Variants in TRAF3IP1 observed in about 807,000 individuals in gnomAD.
TRAF3IP1 encodes the protein TRAF3-interacting protein 1.
TRAF3IP1 carries 53 observed loss-of-function variants against 89.9 expected under a neutral mutation model. That is an observed-to-expected ratio of 0.59 (90% CI 0.47 to 0.74). The LOEUF is 0.74. Ranked by LOEUF, TRAF3IP1 falls within the 30% of genes least tolerant of loss-of-function variation. The pLI, the probability that TRAF3IP1 is intolerant of heterozygous loss-of-function variation, is 0.00. For missense variants in TRAF3IP1, 806 were observed against 866.1 expected, an observed-to-expected ratio of 0.93 and a Z score of 0.87; for synonymous variants, 311 against 322.1, an observed-to-expected ratio of 0.97 and a Z score of 0.37.
At chr2:238,372,052 A>G (rs1228062654) in intron 15 of TRAF3IP1, among the ~76,000 whole-genome samples, 1 of 152,246 alleles carries the variant, frequency 6.6e-6, no homozygotes, top group Non-Finnish European at 1.5e-5. Context: ...TAATAATAAT[A>G]GATGGTAGGG....
At chr2:238,321,217 A>G (rs1574881776) in intron 1 of TRAF3IP1, among the ~76,000 whole-genome samples, 2 of 152,208 alleles carry the variant, frequency 1.3e-5, no homozygotes, top group Admixed American at 6.5e-5. Context: ...CTGCCCTTGT[A>G]TTTCCTTAGA....
intron 15 of TRAF3IP1, among the ~76,000 whole-genome samples, chr2:238,366,528 A>G (rs1346859535): frequency 6.6e-6 from 1 of 152,212 alleles, no homozygotes; most frequent in Non-Finnish European, 1.5e-5. Context: ...ACATTTCCAA[A>G]TTGATATGCC....
At chr2:238,336,281 T>G (rs139880688) in intron 7 of TRAF3IP1, among the ~76,000 whole-genome samples, 10 of 152,346 alleles carry the variant, frequency 6.6e-5, no homozygotes, top group Non-Finnish European at 1.0e-4. Flanking sequence ...ATGGGCTTTT[T>G]GACACTGAGC....
At chr2:238,375,998 G>A (rs1700299084) in intron 15 of TRAF3IP1, among the ~76,000 whole-genome samples, 3 of 152,040 alleles carry the variant, frequency 2.0e-5, no homozygotes, top group African/African-American at 7.2e-5. Context: ...AGTTCCATAT[G>A]CGTGGAACTC....
intron 15 of TRAF3IP1, among the ~76,000 whole-genome samples, chr2:238,381,810 C>G (rs1014348316): frequency 1.3e-5 from 2 of 152,126 alleles, no homozygotes; most frequent in Admixed American, 1.3e-4. Context: ...TGGGATACTT[C>G]TGTAAATATG....
intron 16 of TRAF3IP1, among the ~76,000 whole-genome samples, chr2:238,398,487 C>T (rs903709298): frequency 1.3e-5 from 2 of 151,726 alleles, no homozygotes; most frequent in African/African-American, 2.4e-5. Flanking sequence ...GACTTTGCTG[C>T]ATACCTCCTT....
At chr2:238,365,550 CG>C (rs1480279148) in intron 15 of TRAF3IP1, among the ~76,000 whole-genome samples, 1 of 151,910 alleles carries the variant, frequency 6.6e-6, no homozygotes, top group Non-Finnish European at 1.5e-5. Context: ...TCCAGCCACT[CG>C]GGAGGCTGAG....
intron 15 of TRAF3IP1, among the ~76,000 whole-genome samples, chr2:238,357,297 GGAA>G (rs1232364723): frequency 4.6e-5 from 7 of 152,122 alleles, no homozygotes; most frequent in African/African-American, 9.7e-5. Context: ...ACTTTAAAGA[GGAA>G]GAAGAATTTT....
intron 15 of TRAF3IP1, among the ~76,000 whole-genome samples, chr2:238,392,574 C>CT (rs71043135): frequency 3.3e-4 from 49 of 149,276 alleles, no homozygotes; most frequent in Admixed American, 6.0e-4. Flanking sequence ...CAGTCTGTTC[C>CT]TTTTTTTTTT....
chr2:238,326,283 C>G lies in TRAF3IP1; in HGVS notation c.354+313C>G, dbSNP rs1270525814. 2.0e-5 allele frequency among the ~76,000 whole-genome samples: 3 copies of G among 152,346 alleles called. No homozygotes were observed. In the East Asian group the frequency reaches 5.8e-4, roughly 29 times the overall value. ...GGCTGCAGGCCCAGGCTTCCATGCC[C>G]TCTGGCTTTCTCCTTTCTGAGGCTC... On this transcript the variant is annotated intron_variant, in intron 3 of 16. Coordinates refer to ENST00000373327, the MANE Select transcript of TRAF3IP1 (RefSeq NM_015650.4).
At chr2:238,372,575 A>G (rs1449747382) in intron 15 of TRAF3IP1, among the ~76,000 whole-genome samples, 1 of 152,228 alleles carries the variant, frequency 6.6e-6, no homozygotes, top group African/African-American at 2.4e-5. Flanking sequence ...TATTGTGAGT[A>G]GTGCCATAAT....
rs10527993 is a variant in TRAF3IP1 at position 238,351,834 on chromosome 2, G to GGTGTGTGTGTGTGTGTGTGTGTGTGT, written c.1452-985_1452-960dup. 5.0e-5 allele frequency among the ~76,000 whole-genome samples: 7 copies of GGTGTGTGTGTGTGTGTGTGTGTGTGT among 140,866 alleles called. No individual in the cohort carries two copies. The highest frequency in any genetic ancestry group is 1.8e-4 in the African/African-American group (7 of 37,912). The allele number at this position is 140,866 out of a possible 152,430, so 92.4% of individuals were successfully genotyped here. On this transcript the variant is annotated intron_variant, in intron 12 of 16. Coordinates refer to ENST00000373327, the MANE Select transcript of TRAF3IP1 (RefSeq NM_015650.4). The surrounding 1 kb of genome is among the most constrained non-coding windows in gnomAD (Gnocchi z 5.2). ...TGGCACTGAAGCAAGGGAGGATTTT[G>GGTGTGTGTGTGTGTGTGTGTGTGTGT]GTGTGTGTGTGTGTGTGTGTGTGTG...
intron 10 of TRAF3IP1, among the ~76,000 whole-genome samples, chr2:238,348,395 G>C (rs891036668): frequency 6.6e-6 from 1 of 152,116 alleles, no homozygotes; most frequent in African/African-American, 2.4e-5. Context: ...GTTACTGATT[G>C]ATTGTCAGTA....
chr2:238,375,739 T>C (rs1700285998), intron 15 of TRAF3IP1, among the ~76,000 whole-genome samples: 1 of 152,220 alleles, frequency 6.6e-6, no homozygotes, highest in African/African-American at 2.4e-5. Context: ...AACTTTTCAA[T>C]CTTTTCTCTT....
intron 12 of TRAF3IP1, among the ~76,000 whole-genome samples, chr2:238,352,338 G>A (rs1356670427): frequency 6.6e-6 from 1 of 152,180 alleles, no homozygotes; most frequent in Non-Finnish European, 1.5e-5. Context: ...GGGGCCTCCA[G>A]CTGGCTGTGT....
intron 6 of TRAF3IP1, among the ~76,000 whole-genome samples, chr2:238,333,106 C>T (rs995624274): frequency 1.2e-4 from 18 of 152,102 alleles, no homozygotes; most frequent in African/African-American, 4.3e-4. Context: ...CTCTGATTTT[C>T]TGTGGGGCAC....
At chr2:238,354,162 C>G (rs1328071638) in intron 14 of TRAF3IP1, among the ~76,000 whole-genome samples, 1 of 152,152 alleles carries the variant, frequency 6.6e-6, no homozygotes, top group Non-Finnish European at 1.5e-5. Flanking sequence ...AGTATTTGAC[C>G]AGGGGAGCCT....
chr2:238,322,967 A>G (rs1484556878), intron 1 of TRAF3IP1, among the ~76,000 whole-genome samples: 1 of 152,202 alleles, frequency 6.6e-6, no homozygotes, highest in East Asian at 1.9e-4. Flanking sequence ...AATATTATAC[A>G]CACATTGCTA....
chr2:238,383,320 C>T (rs566931341), intron 15 of TRAF3IP1, among the ~76,000 whole-genome samples: 2 of 152,328 alleles, frequency 1.3e-5, no homozygotes, highest in East Asian at 3.9e-4. Flanking sequence ...GCAGTGGGCC[C>T]GGGCCCTGGC....
Sources: allele counts gnomAD v4.1 joint callset (sites outside exome capture counted in the v4.1 genomes callset), GRCh38; gene constraint gnomAD v4.1.1; non-coding constraint Gnocchi (gnomAD v3.1); transcripts MANE v1.5; gene names NCBI Gene and HGNC (gene_info 2026-07-23, HGNC 2026-07-21).